The following AFF3 variants were observed in gnomAD, a reference collection of about 807,000 sequenced individuals.
The protein encoded by AFF3 is AF4/FMR2 family member 3.
A neutral mutation model predicts 129.7 loss-of-function variants in AFF3; 32 were observed. The observed-to-expected ratio is 0.25, with a 90% CI of 0.19 to 0.33. The LOEUF is 0.33. Ranked by LOEUF, AFF3 falls within the 10% of genes least tolerant of loss-of-function variation. The pLI is 1.00. For synonymous variants in AFF3, 644 were observed against 635.4 expected (o/e 1.01, Z -0.20); for missense variants, 1,373 against 1,592.0 (o/e 0.86, Z 2.34).
intron 13 of AFF3, among the ~76,000 whole-genome samples, chr2:99,610,586 C>A (rs888106292): frequency 4.6e-5 from 7 of 152,126 alleles, no homozygotes; most frequent in African/African-American, 1.7e-4. Context: ...ACCATTCACC[C>A]AATGAGGGAC....
intron 7 of AFF3, among the ~76,000 whole-genome samples, chr2:99,889,058 G>A (rs1051697219): frequency 6.6e-6 from 1 of 152,154 alleles, no homozygotes; most frequent in Non-Finnish European, 1.5e-5. Flanking sequence ...CCTAGGAGGA[G>A]GACAGACATG....
Position 99,978,784 on chromosome 2 carries a change from G to A in AFF3, c.873+27848C>T, listed in dbSNP as rs182346381. On this transcript the variant is annotated intron_variant, in intron 7 of 24. Transcript: ENST00000672756. ...GAGAACTGCCTTACCCTCCCACCACGTGAGGATACAGCAATAAGATGTTAT... is the reference window on the plus strand; with the variant it reads ...GAGAACTGCCTTACCCTCCCACCACATGAGGATACAGCAATAAGATGTTAT... Among the ~76,000 whole-genome samples the A allele has an allele frequency of 3.3e-5, 5 of 152,270 alleles. 1 individual carries two copies. The East Asian group carries it at 5.8e-4, about 18-fold the overall frequency.
intron 7 of AFF3, among the ~76,000 whole-genome samples, chr2:99,942,561 C>T (rs1224165506): frequency 2.1e-5 from 3 of 145,250 alleles, no homozygotes; most frequent in African/African-American, 2.6e-5. Flanking sequence ...GGGGGGGTCG[C>T]GGCACAGGGA....
chr2:99,551,153 GGTGTGT>G lies in AFF3; in HGVS notation c.*315_*320del, dbSNP rs71252505. On this transcript the variant is annotated 3_prime_UTR_variant, in exon 25 of 25. Coordinates refer to ENST00000672756, the MANE Select transcript of AFF3 (RefSeq NM_001386135.1). ...TGTCTGTGATTGTGTGTGAGTGTAC[GGTGTGT>G]GTGTGTGTGTGTGTGTGTGTGTGTA... is the stretch of plus-strand genomic sequence containing the variant. 0.041 allele frequency: 17,718 copies of G among 427,008 alleles called. 6 individuals are homozygous for G. The highest frequency in any genetic ancestry group is 0.05 in the South Asian group (670 of 13,388). 26.5% of individuals were successfully genotyped at this position (427,008 alleles called of 1,614,324 possible).
chr2:99,636,764 A>T (rs1683700856), intron 13 of AFF3, among the ~76,000 whole-genome samples: 1 of 152,110 alleles, frequency 6.6e-6, no homozygotes, highest in South Asian at 2.1e-4. Flanking sequence ...AGGGAGTTGG[A>T]CGGAGTCAGA....
intron 13 of AFF3, among the ~76,000 whole-genome samples, chr2:99,603,783 A>G (rs1044117184): frequency 6.6e-6 from 1 of 152,210 alleles, no homozygotes; most frequent in Non-Finnish European, 1.5e-5. Context: ...ACAAATTTAC[A>G]AGAAAAAACA....
chr2:99,842,952 C>G (rs1220326757), intron 7 of AFF3, among the ~76,000 whole-genome samples: 1 of 152,182 alleles, frequency 6.6e-6, no homozygotes, highest in Admixed American at 6.5e-5. Context: ...AACTTGCATT[C>G]TAAAATACTA....
chr2:99,823,003 ATCC>A (rs1240495789), intron 8 of AFF3, among the ~76,000 whole-genome samples: 3 of 152,132 alleles, frequency 2.0e-5, no homozygotes, highest in Non-Finnish European at 2.9e-5. Context: ...TCTGGGCAGT[ATCC>A]TCCTCTTCAC....
intron 7 of AFF3, among the ~76,000 whole-genome samples, chr2:99,838,651 T>C (rs1458449275): frequency 6.6e-6 from 1 of 152,094 alleles, no homozygotes; most frequent in African/African-American, 2.4e-5. Context: ...CTCTAAAACA[T>C]CAGCTCCCTG....
Position 99,549,382 on chromosome 2 carries a change from T to C in AFF3, c.*2092A>G. The C allele has an allele frequency of 5.5e-6, 1 of 182,532 alleles. No homozygotes were observed. The highest frequency in any genetic ancestry group is 2.3e-5 in the African/African-American group (1 of 42,590). 11.3% of individuals were successfully genotyped at this position (182,532 alleles called of 1,614,324 possible). A position where few individuals can be genotyped will look rare whatever the true frequency, so the allele number is the denominator to read the frequency against. ...GGTAGATCACCTGAGGTCAGGAGTT[T>C]GAGACGAGCCTGGCCAACATGGTGA... On this transcript the variant is annotated 3_prime_UTR_variant, in exon 25 of 25. Transcript: ENST00000672756.
intron 12 of AFF3, among the ~76,000 whole-genome samples, chr2:99,670,408 G>A (rs146842068): frequency 2.6e-3 from 390 of 152,288 alleles, no homozygotes; most frequent in Non-Finnish European, 4.4e-3. Flanking sequence ...ATACACTGTA[G>A]TGTTTACTGA....
intron 12 of AFF3, among the ~76,000 whole-genome samples, chr2:99,671,085 G>A (rs1402724449): frequency 1.3e-5 from 2 of 152,176 alleles, no homozygotes; most frequent in African/African-American, 4.8e-5. Flanking sequence ...AAAAAGGTTT[G>A]CAGATTGAAA....
chr2:99,933,179 G>A (rs2106309783), intron 7 of AFF3, among the ~76,000 whole-genome samples: 1 of 152,066 alleles, frequency 6.6e-6, no homozygotes, highest in African/African-American at 2.4e-5. Flanking sequence ...TAATTTCTCT[G>A]TCTTTGAATT....
intron 15 of AFF3, among the ~76,000 whole-genome samples, chr2:99,587,690 T>C (rs969555729): frequency 1.3e-4 from 20 of 152,274 alleles, no homozygotes; most frequent in Admixed American, 1.0e-3. Flanking sequence ...ATAAGGGCAG[T>C]GGCAAGCCTG....
At chr2:99,857,416 C>G (rs1276603905) in intron 7 of AFF3, among the ~76,000 whole-genome samples, 1 of 152,154 alleles carries the variant, frequency 6.6e-6, no homozygotes, top group Admixed American at 6.5e-5. Context: ...GTTTTTAGAA[C>G]ATGTTTAATA....
intron 11 of AFF3, among the ~76,000 whole-genome samples, chr2:99,676,914 G>A (rs1430761584): frequency 1.3e-5 from 2 of 152,142 alleles, no homozygotes; most frequent in Admixed American, 6.5e-5. Context: ...GTCCCTCCAC[G>A]AGGAGCCAAG....
Position 99,551,516 on chromosome 2 carries a change from T to C in AFF3, c.3639A>G (p.Gln1213=). 1 of 1,614,050 alleles carries C rather than the reference T, an allele frequency of 6.2e-7. No individual in the cohort carries two copies. Among genetic ancestry groups the C allele is most frequent in the Non-Finnish European group, 8.5e-7 (1 of 1,179,982 alleles). The change falls in exon 25 of 25, where the codon CAA becomes CAG. Residue 1213 remains glutamine, a synonymous_variant. Coordinates refer to ENST00000672756, the MANE Select transcript of AFF3 (RefSeq NM_001386135.1). ...TGTTCCGCAGCCAGTGCAGGCCCTG[T>C]TGGGAGTACTGGACCAGGTGCTCCA... ...SSMEHLVQYS[Q]QGLHWLRNSA...
chr2:99,759,045 T>C (rs1339654478), intron 8 of AFF3, among the ~76,000 whole-genome samples: 1 of 152,226 alleles, frequency 6.6e-6, no homozygotes, highest in African/African-American at 2.4e-5. Flanking sequence ...CTTCCTCATA[T>C]GTCTCTGAGT....
At chr2:99,811,645 C>T (rs180977575) in intron 8 of AFF3, among the ~76,000 whole-genome samples, 1 of 152,226 alleles carries the variant, frequency 6.6e-6, no homozygotes, top group Non-Finnish European at 1.5e-5. Flanking sequence ...CCTTGCAGAG[C>T]TGAGGCACCA....
Sources: allele counts gnomAD v4.1 joint callset (sites outside exome capture counted in the v4.1 genomes callset), GRCh38; gene constraint gnomAD v4.1.1; transcripts MANE v1.5; gene names NCBI Gene and HGNC (gene_info 2026-07-23, HGNC 2026-07-21).